CACNA1D: variants seen among roughly 807,000 people sequenced by gnomAD.
The protein encoded by CACNA1D is voltage-dependent L-type calcium channel subunit alpha-1D.
In CACNA1D, 55 loss-of-function variants were observed where a neutral mutation model predicts 257.1. The ratio of observed to expected loss-of-function variants is 0.21; its 90% CI spans 0.17 to 0.27. CACNA1D has a LOEUF of 0.27. Among genes scored for constraint, CACNA1D ranks in the 10% least tolerant of loss-of-function variants. The pLI, the probability that CACNA1D is intolerant of heterozygous loss-of-function variation, is 1.00. For missense variants in CACNA1D, 1,876 were observed against 2,784.0 expected (o/e 0.67, Z 7.34); for synonymous variants, 980 against 1,014.9 (o/e 0.97, Z 0.65).
At chr3:53,505,525 T>G (rs2090806646) in intron 3 of CACNA1D, among the ~76,000 whole-genome samples, 1 of 152,174 alleles carries the variant, frequency 6.6e-6, no homozygotes, top group Non-Finnish European at 1.5e-5. Context: ...GTTCAGTAAA[T>G]AAGTATTGCT....
intron 7 of CACNA1D, among the ~76,000 whole-genome samples, chr3:53,671,535 T>G (rs1488359340): frequency 1.3e-5 from 2 of 152,350 alleles, no homozygotes; most frequent in African/African-American, 4.8e-5. Flanking sequence ...TCTGCCTTCC[T>G]GCTGAAATTA....
chr3:53,626,064 C>T (rs752897318), intron 3 of CACNA1D, among the ~76,000 whole-genome samples: 25 of 152,278 alleles, frequency 1.6e-4, no homozygotes, highest in South Asian at 6.2e-4. Flanking sequence ...AACTGGCCAA[C>T]GAAATGCACA....
chr3:53,586,215 T>C (rs543899719), intron 3 of CACNA1D, among the ~76,000 whole-genome samples: 1 of 152,046 alleles, frequency 6.6e-6, no homozygotes, highest in South Asian at 2.1e-4. Flanking sequence ...GGGCACTAGC[T>C]GAAGGAATTC....
At chr3:53,783,893 G>A (rs1393471034) in intron 39 of CACNA1D, among the ~76,000 whole-genome samples, 2 of 152,190 alleles carry the variant, frequency 1.3e-5, no homozygotes, top group African/African-American at 2.4e-5. Flanking sequence ...ACCATCACCT[G>A]GTCAAGAAGC....
chr3:53,522,166 T>G (rs969429290), intron 3 of CACNA1D, among the ~76,000 whole-genome samples: 3 of 152,060 alleles, frequency 2.0e-5, no homozygotes, highest in African/African-American at 7.2e-5. Flanking sequence ...TGTTCCTTAT[T>G]TATATATGGC....
intron 3 of CACNA1D, among the ~76,000 whole-genome samples, chr3:53,547,812 A>G (rs559758404): frequency 1.1e-4 from 17 of 152,188 alleles, no homozygotes; most frequent in Non-Finnish European, 2.2e-4. Context: ...TCAGGTTTAC[A>G]TTATCTGAGT....
rs898420 is a variant in CACNA1D, at chr3:53,749,757, T to G, written c.3516+288T>G. Among the ~76,000 whole-genome samples the G allele has an allele frequency of 0.75, 114,379 of 151,842 alleles. 45,009 individuals carry two copies. Among genetic ancestry groups the G allele is most frequent in the East Asian group, 1 (5,173 of 5,176 alleles). On this transcript the variant is annotated intron_variant, in intron 27 of 47. Transcript: ENST00000350061. The stretch of plus-strand genomic sequence containing the variant: ...CCATGGTCATGACCCACTAGTGATG[T>G]ATCAGAATCTTAGTTGGGGTGCTGT...
chr3:53,623,252 A>G (rs1029845900), intron 3 of CACNA1D, among the ~76,000 whole-genome samples: 2 of 152,258 alleles, frequency 1.3e-5, no homozygotes, highest in African/African-American at 2.4e-5. Flanking sequence ...TCTAAGATTT[A>G]TGCATTTCTC....
intron 9 of CACNA1D, among the ~76,000 whole-genome samples, chr3:53,706,751 CT>C (rs1243987511): frequency 6.6e-6 from 1 of 152,116 alleles, no homozygotes; most frequent in East Asian, 1.9e-4. Context: ...TAAGTAATTT[CT>C]CATCCCTCAT....
chr3:53,771,106 G>T (rs2095363939), intron 32 of CACNA1D, among the ~76,000 whole-genome samples: 2 of 152,154 alleles, frequency 1.3e-5, no homozygotes, highest in South Asian at 4.1e-4. Flanking sequence ...GCACAGCTCG[G>T]TTCTAGACTT....
At position 53,718,397 on chromosome 3, in the gene CACNA1D, G is replaced by A. The variant is rs561499346; in HGVS notation, c.1478+9G>A. ...TGCTGTGGAAGTCTCTGGTGAGTGT[G>A]GGGAGCACTTGCCCTCTTTCCCCTC... On this transcript the variant is annotated intron_variant, in intron 10 of 47. Transcript: ENST00000350061. 2.6e-5 allele frequency: 42 copies of A among 1,610,512 alleles called. No individual in the cohort carries two copies. In the East Asian group the frequency reaches 8.5e-4, roughly 32 times the overall value.
intron 20 of CACNA1D, among the ~76,000 whole-genome samples, chr3:53,738,046 T>C (rs1032816492): frequency 6.6e-6 from 1 of 152,202 alleles, no homozygotes; most frequent in Non-Finnish European, 1.5e-5. Context: ...CTCTCAGGCC[T>C]AGATATTATC....
intron 8 of CACNA1D, among the ~76,000 whole-genome samples, chr3:53,691,247 C>G (rs937062790): frequency 6.6e-6 from 1 of 151,304 alleles, no homozygotes; most frequent in Non-Finnish European, 1.5e-5. Flanking sequence ...TCAAGAGATT[C>G]TCCTGCCTCA....
In CACNA1D at chr3:53,740,294, T is replaced by G. The variant is rs1269402434; in HGVS notation, c.2766T>G (p.Phe922Leu). ...HSFRNTILGY[F>L]DYAFTAIFTV... ...GTGCCTTGCAGATACTGGGTTACTTTGACTATGCCTTCACAGCCATCTTTA... is the reference window on the plus strand; with the variant it reads ...GTGCCTTGCAGATACTGGGTTACTTGGACTATGCCTTCACAGCCATCTTTA... The change falls in exon 21 of 48, where the codon TTT becomes TTG. Residue 922 changes from phenylalanine to leucine, a missense_variant. By Grantham distance (22) the Phe-to-Leu change is conservative. This residue lies in a region of CACNA1D where 271 missense variants were observed against 425.5 expected (regional missense o/e 0.64). Transcript: ENST00000350061. 6 of 1,612,544 alleles carry G rather than the reference T, an allele frequency of 3.7e-6. No individual in the cohort carries two copies. In the African/African-American group the frequency reaches 8.0e-5, roughly 22 times the overall value.
chr3:53,749,116 G>A (rs1231917819), intron 26 of CACNA1D, 152 bp from the exon 27 acceptor site: 1 of 708,842 alleles, frequency 1.4e-6, no homozygotes, highest in African/African-American at 1.7e-5. Flanking sequence ...AGGCTGATGG[G>A]AGAGACCTGG....
At position 53,789,477 on chromosome 3, in the gene CACNA1D, T is replaced by A. The variant is rs762832388; in HGVS notation, c.4923+2525T>A. Among the ~76,000 whole-genome samples, 11 of 152,224 alleles carry A rather than the reference T, an allele frequency of 7.2e-5. No individual in the cohort carries two copies. The highest frequency in any genetic ancestry group is 1.3e-4 in the Non-Finnish European group (9 of 68,036). On this transcript the variant is annotated intron_variant, in intron 40 of 47. Transcript: ENST00000350061. The surrounding 1 kb of genome is among the most constrained non-coding windows in gnomAD (Gnocchi z 4.2). Reference sequence around the variant, plus strand: ...TGAGTAGGCTTTCGTTTCTGCGTGATGAAATACCGGGTGACGATGTAGCAG... The same window carrying A: ...TGAGTAGGCTTTCGTTTCTGCGTGAAGAAATACCGGGTGACGATGTAGCAG...
chr3:53,737,154 G>A (rs1261609236), intron 20 of CACNA1D, among the ~76,000 whole-genome samples: 1 of 151,856 alleles, frequency 6.6e-6, no homozygotes, highest in Non-Finnish European at 1.5e-5. Context: ...CCAAAAATTA[G>A]CCAGGTGTGG....
chr3:53,806,450 G>A (rs2095566757), intron 45 of CACNA1D, among the ~76,000 whole-genome samples: 1 of 152,148 alleles, frequency 6.6e-6, no homozygotes, highest in African/African-American at 2.4e-5. Context: ...GCGGATCTGG[G>A]TCATCCTGAG....
At chr3:53,648,188 C>G (rs1303141223) in intron 3 of CACNA1D, among the ~76,000 whole-genome samples, 1 of 149,094 alleles carries the variant, frequency 6.7e-6, no homozygotes, top group Admixed American at 6.7e-5. Context: ...GCAGCAAAAG[C>G]TTTTTTTTTT....
Sources: gnomAD v4.1 joint callset for allele counts (sites outside exome capture counted in the v4.1 genomes callset) on GRCh38, gnomAD v4.1.1 for gene constraint, gnomAD v4.1.1 regional missense constraint, Gnocchi (gnomAD v3.1) non-coding constraint, MANE v1.5 for transcripts, NCBI Gene and HGNC (gene_info 2026-07-23, HGNC 2026-07-21) for gene names.